SPSB4: variants seen among roughly 807,000 people sequenced by gnomAD.
SPSB4 encodes the protein splA/ryanodine receptor domain and SOCS box containing 4.
Under a neutral mutation model 20.9 loss-of-function variants are expected in SPSB4, and 21 were observed. The observed-to-expected ratio is 1.01, with a 90% confidence interval of 0.71 to 1.45. The LOEUF (loss-of-function observed/expected upper bound fraction) is 1.45, where lower values mean the gene tolerates loss of function less well. SPSB4 is among the 40% of genes most tolerant of loss of function. The pLI is 0.00. For synonymous variants in SPSB4, 207 were observed against 183.8 expected (o/e 1.13, Z -1.02); for missense variants, 399 against 399.2 (o/e 1.00, Z 0.00).
At chr3:141,083,404 C>T (rs531246695) in intron 2 of SPSB4, among the ~76,000 whole-genome samples, 65 of 152,246 alleles carry the variant, frequency 4.3e-4, no homozygotes, top group African/African-American at 1.4e-3. Context: ...GGTCCCAGGG[C>T]GTGTCCAGCA....
chr3:141,092,243 C>A (rs373449538), intron 2 of SPSB4, among the ~76,000 whole-genome samples: 1 of 152,200 alleles, frequency 6.6e-6, no homozygotes, highest in Non-Finnish European at 1.5e-5. Context: ...TGCTTCTCAG[C>A]ATTGTTTAAG....
Position 141,066,797 on chromosome 3 carries a change from C to T in SPSB4, c.693C>T (p.Asp231=). ...CCATGCGCTACATCAACGGCCTTGA[C>T]CGTAAGTTGTGCTGGGCTGGGGGGC... ...EVTMRYINGL[D]PEPLPLMDLC... The change falls in exon 2 of 3, where the codon GAC becomes GAT. Residue 231 remains aspartate, a splice_region_variant and synonymous_variant. Coordinates refer to ENST00000310546, the MANE Select transcript of SPSB4 (RefSeq NM_080862.3). 1 of 1,538,114 alleles carries T rather than the reference C, an allele frequency of 6.5e-7. No homozygotes were observed. The highest frequency in any genetic ancestry group is 8.8e-7 in the Non-Finnish European group (1 of 1,137,922).
intron 2 of SPSB4, among the ~76,000 whole-genome samples, chr3:141,093,395 G>A (rs1011437882): frequency 2.0e-5 from 3 of 151,974 alleles, no homozygotes; most frequent in Non-Finnish European, 4.4e-5. Flanking sequence ...ATGGCTCAGA[G>A]GGGTCACATA....
intron 2 of SPSB4, among the ~76,000 whole-genome samples, chr3:141,073,369 C>T (rs1412277737): frequency 6.6e-6 from 1 of 152,132 alleles, no homozygotes; most frequent in Non-Finnish European, 1.5e-5. Context: ...AGTAGAATCA[C>T]GTTAATTTTT....
chr3:141,056,243 C>T lies in SPSB4; in HGVS notation c.-154+4251C>T, dbSNP rs147892776. On this transcript the variant is annotated intron_variant, in intron 1 of 2. Transcript: ENST00000310546. ...GTATGGTGAACTGGAGCTCTGCTTT[C>T]TCCAGAAGTGAGTGGGCCTTGGCCC... is the stretch of plus-strand genomic sequence containing the variant. Among the ~76,000 whole-genome samples, 19 of 152,364 alleles carry T rather than the reference C, an allele frequency of 1.2e-4. No individual in the cohort carries two copies. In the East Asian group the frequency reaches 3.7e-3, roughly 29 times the overall value.
intron 2 of SPSB4, among the ~76,000 whole-genome samples, chr3:141,115,888 G>A (rs74895748): frequency 6.6e-6 from 1 of 152,076 alleles, no homozygotes; most frequent in East Asian, 1.9e-4. Context: ...AGAAAACTGG[G>A]CAGACTCCAT....
rs548981755 is a variant in SPSB4 at position 141,121,389 on chromosome 3, C to G, written c.695-25753C>G. Among the ~76,000 whole-genome samples, 4 of 152,214 alleles carry G rather than the reference C, an allele frequency of 2.6e-5. No homozygotes were observed. In the East Asian group the frequency reaches 7.7e-4, roughly 29 times the overall value. ...CTTGGTGAATCTGACAGTTATGTGTCTTGGGGTTGCTCTTCTCAAGGAGTA... is the reference window on the plus strand; with the variant it reads ...CTTGGTGAATCTGACAGTTATGTGTGTTGGGGTTGCTCTTCTCAAGGAGTA... On this transcript the variant is annotated intron_variant, in intron 2 of 2. Coordinates refer to ENST00000310546, the MANE Select transcript of SPSB4 (RefSeq NM_080862.3).
rs1331625140 is a variant in SPSB4 at position 141,147,393 on chromosome 3, G to C, written c.*124G>C. ...TTCTCCTGGCTCCCCAGGACACTCAGTTCTTTCAAAGACCAGGATGTGGTA... is the reference window on the plus strand; with the variant it reads ...TTCTCCTGGCTCCCCAGGACACTCACTTCTTTCAAAGACCAGGATGTGGTA... On this transcript the variant is annotated 3_prime_UTR_variant, in exon 3 of 3. Coordinates refer to ENST00000310546, the MANE Select transcript of SPSB4 (RefSeq NM_080862.3). 2.0e-6 allele frequency: 3 copies of C among 1,485,838 alleles called. No individual in the cohort carries two copies. The highest frequency in any genetic ancestry group is 1.8e-6 in the Non-Finnish European group (2 of 1,104,838). 92.0% of individuals were successfully genotyped at this position (1,485,838 alleles called of 1,614,324 possible).
chr3:141,112,852 C>T (rs1938824379), intron 2 of SPSB4, among the ~76,000 whole-genome samples: 1 of 152,020 alleles, frequency 6.6e-6, no homozygotes, highest in Non-Finnish European at 1.5e-5. Flanking sequence ...CCTCAAGGAG[C>T]TTTCCAGGGC....
At chr3:141,082,618 G>GCTATCTATCTATCTAT (rs57148827) in intron 2 of SPSB4, among the ~76,000 whole-genome samples, 259 of 146,410 alleles carry the variant, frequency 1.8e-3, no homozygotes, top group African/African-American at 2.5e-3. Flanking sequence ...CAACCCAGGT[G>GCTATCTATCTATCTAT]CTATCTATCT....
chr3:141,060,382 A>T (rs1937739558), intron 1 of SPSB4, among the ~76,000 whole-genome samples: 1 of 152,194 alleles, frequency 6.6e-6, no homozygotes. Context: ...AGCTGGTTAC[A>T]GTCATTGCTG....
Position 141,147,481 on chromosome 3 carries a change from A to G in SPSB4, c.*212A>G. 2.9e-6 allele frequency: 2 copies of G among 697,076 alleles called. No homozygotes were observed. Among genetic ancestry groups the G allele is most frequent in the Non-Finnish European group, 4.5e-6 (2 of 443,992 alleles). The allele number at this position is 697,076 out of a possible 1,614,324, so 43.2% of individuals were successfully genotyped here. On this transcript the variant is annotated 3_prime_UTR_variant, in exon 3 of 3. Coordinates refer to ENST00000310546, the MANE Select transcript of SPSB4 (RefSeq NM_080862.3). ...CTACTGCCCTCGAGGCAGCCCTCCC[A>G]AGTCAGACACCTCCTTCGGAGCCAC... is the stretch of plus-strand genomic sequence containing the variant.
chr3:141,070,830 G>A (rs893820564), intron 2 of SPSB4, among the ~76,000 whole-genome samples: 1 of 152,240 alleles, frequency 6.6e-6, no homozygotes, highest in Non-Finnish European at 1.5e-5. Flanking sequence ...GAGGGAGCCT[G>A]GATTCAAATG....
intron 2 of SPSB4, among the ~76,000 whole-genome samples, chr3:141,137,933 G>A (rs1378232403): frequency 2.0e-5 from 3 of 152,080 alleles, no homozygotes; most frequent in African/African-American, 7.2e-5. Context: ...TTGTACCTCT[G>A]GTAGAATTCG....
chr3:141,140,922 C>G (rs1939315464), intron 2 of SPSB4, among the ~76,000 whole-genome samples: 1 of 152,250 alleles, frequency 6.6e-6, no homozygotes, highest in African/African-American at 2.4e-5. Flanking sequence ...TGCCCTGCCC[C>G]CAGAGGTGGA....
At chr3:141,142,843 G>A (rs184154502) in intron 2 of SPSB4, among the ~76,000 whole-genome samples, 1,216 of 104,254 alleles carry the variant, frequency 0.012, 24 homozygotes, top group African/African-American at 0.042. Context: ...TTGAGACAGA[G>A]TCTCGCTCTG....
At chr3:141,083,299 G>A (rs1271003939) in intron 2 of SPSB4, among the ~76,000 whole-genome samples, 1 of 152,188 alleles carries the variant, frequency 6.6e-6, no homozygotes, top group Non-Finnish European at 1.5e-5. Flanking sequence ...GGCCCATGGG[G>A]ACTGTGTACT....
At chr3:141,055,036 G>C (rs1213563157) in intron 1 of SPSB4, among the ~76,000 whole-genome samples, 2 of 152,172 alleles carry the variant, frequency 1.3e-5, no homozygotes, top group Admixed American at 1.3e-4. Context: ...TGACAAGCAC[G>C]TCTTAATGCA....
At chr3:141,095,585 T>C (rs1476639789) in intron 2 of SPSB4, among the ~76,000 whole-genome samples, 1 of 152,058 alleles carries the variant, frequency 6.6e-6, no homozygotes, top group Non-Finnish European at 1.5e-5. Context: ...TACTTTTCTC[T>C]GTGAGAAGGA....
Sources: allele counts gnomAD v4.1 joint callset (sites outside exome capture counted in the v4.1 genomes callset), GRCh38; gene constraint gnomAD v4.1.1; transcripts MANE v1.5; gene names NCBI Gene and HGNC (gene_info 2026-07-23, HGNC 2026-07-21).